The following GRM5 variants were observed in gnomAD, a reference collection of about 807,000 sequenced individuals.
The protein encoded by GRM5 is metabotropic glutamate receptor 5.
In GRM5, 19 loss-of-function variants were observed where a neutral mutation model predicts 83.1. The ratio of observed to expected loss-of-function variants is 0.23; its 90% CI spans 0.16 to 0.34. GRM5 has a LOEUF of 0.34. Ranked by LOEUF, GRM5 falls within the 10% of genes least tolerant of loss-of-function variation. GRM5 has a pLI of 1.00. For missense variants in GRM5, 1,160 were observed against 1,588.3 expected (o/e 0.73, Z 4.58); for synonymous variants, 675 against 633.6 (o/e 1.07, Z -0.98).
intron 3 of GRM5, among the ~76,000 whole-genome samples, chr11:88,680,844 A>C (rs1303034696): frequency 6.6e-6 from 1 of 152,180 alleles, no homozygotes; most frequent in Admixed American, 6.6e-5. Context: ...GCCCTCTGAA[A>C]GAATTACATA....
intron 2 of GRM5, among the ~76,000 whole-genome samples, chr11:88,978,568 G>C (rs1192397324): frequency 7.0e-6 from 1 of 142,800 alleles, no homozygotes; most frequent in Non-Finnish European, 1.5e-5. Context: ...AGCATTTAAA[G>C]CCATCCTGGG....
chr11:88,542,369 A>G (rs1397831279), intron 8 of GRM5, among the ~76,000 whole-genome samples: 2 of 61,396 alleles, frequency 3.3e-5, no homozygotes. Flanking sequence ...AGGAAAAAAC[A>G]AACAAACAAA....
At chr11:88,883,644 C>T (rs1258920273) in intron 2 of GRM5, among the ~76,000 whole-genome samples, 2 of 152,134 alleles carry the variant, frequency 1.3e-5, no homozygotes, top group Non-Finnish European at 2.9e-5. Context: ...ATCACCAAGA[C>T]AGTGGGGAAA....
intron 1 of GRM5, among the ~76,000 whole-genome samples, chr11:89,051,991 T>C (rs1002649163): frequency 1.3e-5 from 2 of 152,162 alleles, no homozygotes; most frequent in African/African-American, 4.8e-5. Flanking sequence ...ATGTGAGTAG[T>C]AAGGTAGAGA....
At chr11:89,008,643 C>T (rs1219353307) in intron 2 of GRM5, among the ~76,000 whole-genome samples, 1 of 152,090 alleles carries the variant, frequency 6.6e-6, no homozygotes, top group Non-Finnish European at 1.5e-5. Flanking sequence ...AGGTTAAGTT[C>T]TCCAGTATAA....
rs530251211 is a variant in GRM5 at position 88,972,024 on chromosome 11, G to A, written c.661+75188C>T. On this transcript the variant is annotated intron_variant, in intron 2 of 9. Transcript: ENST00000305447. The stretch of plus-strand genomic sequence containing the variant: ...AATTCAAATAAGTGATAATTGACAC[G>A]GCAGGAGCATCGCCATCTTGGACAA... Among the ~76,000 whole-genome samples, 12 of 152,196 alleles carry A rather than the reference G, an allele frequency of 7.9e-5. No homozygotes were observed. The South Asian group carries it at 2.3e-3, about 29-fold the overall frequency.
At position 88,583,065 on chromosome 11, in the gene GRM5, A is replaced by C. The variant is rs148460189; in HGVS notation, c.1690+7536T>G. On this transcript the variant is annotated intron_variant, in intron 7 of 9. Coordinates refer to ENST00000305447, the MANE Select transcript of GRM5 (RefSeq NM_001143831.3). ...AAGATAGTTATAATAATTGGAAATG[A>C]AAAGAAATCTTCCCCATGTTTTTAT... Among the ~76,000 whole-genome samples, 1,107 of 152,244 alleles carry C rather than the reference A, an allele frequency of 7.3e-3. 11 individuals carry two copies. Among genetic ancestry groups the C allele is most frequent in the African/African-American group, 0.026 (1,069 of 41,538 alleles).
intron 2 of GRM5, among the ~76,000 whole-genome samples, chr11:88,938,401 A>C (rs1158170565): frequency 2.0e-5 from 3 of 151,650 alleles, no homozygotes; most frequent in Non-Finnish European, 3.0e-5. Flanking sequence ...CTATATATCC[A>C]TTATTTAGAA....
intron 3 of GRM5, among the ~76,000 whole-genome samples, chr11:88,829,638 C>A (rs904892003): frequency 2.6e-5 from 4 of 151,990 alleles, no homozygotes; most frequent in African/African-American, 9.7e-5. Context: ...GGAAAGAATT[C>A]TTTATTTACT....
chr11:88,562,849 G>A (rs1053315829), intron 8 of GRM5, among the ~76,000 whole-genome samples: 1 of 152,132 alleles, frequency 6.6e-6, no homozygotes, highest in Non-Finnish European at 1.5e-5. Flanking sequence ...GTTTGGGCCA[G>A]TGAGACACAA....
intron 3 of GRM5, among the ~76,000 whole-genome samples, chr11:88,711,773 C>T (rs183852999): frequency 1.4e-5 from 2 of 140,806 alleles, no homozygotes; most frequent in Admixed American, 1.5e-4. Context: ...AGATTATTGA[C>T]ATTTCAAAGA....
chr11:88,749,837 A>G (rs1942226513), intron 3 of GRM5, among the ~76,000 whole-genome samples: 1 of 152,176 alleles, frequency 6.6e-6, no homozygotes, highest in Non-Finnish European at 1.5e-5. Flanking sequence ...ATATCTGGAC[A>G]AACTAAACTT....
At chr11:88,924,731 A>G (rs1236544357) in intron 2 of GRM5, among the ~76,000 whole-genome samples, 1 of 151,956 alleles carries the variant, frequency 6.6e-6, no homozygotes, top group East Asian at 1.9e-4. Context: ...GATATCTAAT[A>G]TTATAATGTA....
chr11:88,514,353 T>C (rs1204097469), intron 9 of GRM5, among the ~76,000 whole-genome samples: 4 of 152,178 alleles, frequency 2.6e-5, no homozygotes, highest in African/African-American at 9.6e-5. Context: ...TCTATCTTTA[T>C]TCTCAGAGGT....
intron 3 of GRM5, among the ~76,000 whole-genome samples, chr11:88,760,164 T>C (rs149981672): frequency 6.6e-6 from 1 of 152,094 alleles, no homozygotes; most frequent in African/African-American, 2.4e-5. Context: ...CTAAAATAAC[T>C]AGAGAATCAA....
intron 3 of GRM5, among the ~76,000 whole-genome samples, chr11:88,718,883 A>T (rs565413537): frequency 4.8e-4 from 73 of 152,106 alleles, no homozygotes; most frequent in Middle Eastern, 3.4e-3. Context: ...CAGATTCTGT[A>T]AAAGACTTCA....
intron 9 of GRM5, 76 bp downstream of exon 9, chr11:88,525,233 G>T: frequency 1.2e-6 from 1 of 852,388 alleles, no homozygotes; most frequent in South Asian, 1.5e-5. Context: ...TGAGGACCCA[G>T]ACCAGGGAGC....
intron 4 of GRM5, among the ~76,000 whole-genome samples, chr11:88,610,358 T>C (rs1276493933): frequency 6.6e-6 from 1 of 152,222 alleles, no homozygotes; most frequent in Non-Finnish European, 1.5e-5. Context: ...GGGCATAGAA[T>C]GTTCTTCCAA....
In GRM5 at chr11:88,804,946, T is replaced by C. The variant is rs1943473548; in HGVS notation, c.911+44960A>G. On this transcript the variant is annotated intron_variant, in intron 3 of 9. Coordinates refer to ENST00000305447, the MANE Select transcript of GRM5 (RefSeq NM_001143831.3). ...CAATATATCCATGTAAAAATGCACTTATATCCTTTAAATTGAACAAATTAA... is the reference window on the plus strand; with the variant it reads ...CAATATATCCATGTAAAAATGCACTCATATCCTTTAAATTGAACAAATTAA... 2.6e-5 allele frequency among the ~76,000 whole-genome samples: 4 copies of C among 152,128 alleles called. No homozygotes were observed. The South Asian group carries it at 8.3e-4, about 32-fold the overall frequency.
Sources: allele counts gnomAD v4.1 joint callset (sites outside exome capture counted in the v4.1 genomes callset), GRCh38; gene constraint gnomAD v4.1.1; transcripts MANE v1.5; gene names NCBI Gene and HGNC (gene_info 2026-07-23, HGNC 2026-07-21).